The following DIP2C variants were observed in gnomAD, a reference collection of about 807,000 sequenced individuals.
DIP2C encodes disco-interacting protein 2 homolog C.
A neutral mutation model predicts 192.4 loss-of-function variants in DIP2C; 33 were observed. The observed-to-expected ratio is 0.17, with a 90% confidence interval of 0.13 to 0.23. The LOEUF (loss-of-function observed/expected upper bound fraction) is 0.23, where lower values mean the gene tolerates loss of function less well. Among genes scored for constraint, DIP2C ranks in the 10% least tolerant of loss-of-function variants. DIP2C has a pLI of 1.00. For synonymous variants in DIP2C, 979 were observed against 864.1 expected (o/e 1.13, Z -2.33); for missense variants, 1,537 against 2,110.1 (o/e 0.73, Z 5.32).
chr10:514,400 G>A (rs1262393207), intron 1 of DIP2C, among the ~76,000 whole-genome samples: 3 of 152,208 alleles, frequency 2.0e-5, no homozygotes, highest in African/African-American at 7.2e-5. Flanking sequence ...CATTCACAGG[G>A]TGCTGGCTTC....
intron 9 of DIP2C, among the ~76,000 whole-genome samples, chr10:406,700 G>C (rs1021778611): frequency 1.3e-5 from 2 of 152,100 alleles, no homozygotes; most frequent in African/African-American, 4.8e-5. Context: ...TGCCTTTGTA[G>C]GACTAACAAA....
chr10:441,992 CTG>C (rs1337266023), intron 3 of DIP2C, among the ~76,000 whole-genome samples: 2 of 152,196 alleles, frequency 1.3e-5, no homozygotes, highest in African/African-American at 4.8e-5. Context: ...CAACTCCAAA[CTG>C]TGAAGCCAGG....
At chr10:605,007 C>T (rs1182117514) in intron 1 of DIP2C, among the ~76,000 whole-genome samples, 1 of 152,208 alleles carries the variant, frequency 6.6e-6, no homozygotes, top group Non-Finnish European at 1.5e-5. Flanking sequence ...AGTGCAGACA[C>T]ATCAAAAGCT....
intron 1 of DIP2C, among the ~76,000 whole-genome samples, chr10:615,064 G>A (rs755622454): frequency 1.3e-5 from 2 of 152,222 alleles, no homozygotes; most frequent in Non-Finnish European, 2.9e-5. Context: ...ATGTGAAACA[G>A]GCAGCGCTGT....
intron 14 of DIP2C, among the ~76,000 whole-genome samples, chr10:386,075 C>T (rs762440821): frequency 5.3e-5 from 8 of 152,154 alleles, no homozygotes; most frequent in Non-Finnish European, 1.0e-4. Context: ...CTCAGAGAGG[C>T]GGCCCCGCGA....
chr10:440,201 C>A (rs1257409612), intron 4 of DIP2C, among the ~76,000 whole-genome samples: 1 of 152,118 alleles, frequency 6.6e-6, no homozygotes, highest in Non-Finnish European at 1.5e-5. Flanking sequence ...TTACATAACA[C>A]AAATATAAAT....
chr10:361,778 C>T (rs1207417332), intron 22 of DIP2C, among the ~76,000 whole-genome samples: 1 of 152,172 alleles, frequency 6.6e-6, no homozygotes, highest in Non-Finnish European at 1.5e-5. Context: ...CAGACAGAGG[C>T]AGCGTTTTCC....
intron 1 of DIP2C, among the ~76,000 whole-genome samples, chr10:649,079 G>C (rs1306505278): frequency 1.4e-5 from 2 of 147,236 alleles, no homozygotes; most frequent in Admixed American, 6.8e-5. Context: ...GAGAACATAG[G>C]GAAACTGAGT....
At chr10:670,085 CAT>C (rs372524692) in intron 1 of DIP2C, among the ~76,000 whole-genome samples, 88 of 152,272 alleles carry the variant, frequency 5.8e-4, no homozygotes, top group African/African-American at 2.1e-3. Context: ...TGCACACACA[CAT>C]GCATACACAC....
chr10:329,704 T>C (rs1371786382), intron 29 of DIP2C, 103 bp from the exon 30 acceptor site: 1 of 1,413,094 alleles, frequency 7.1e-7, no homozygotes, highest in African/African-American at 1.5e-5. Context: ...AAAGGAGGAC[T>C]TGGAACAGCC....
intron 1 of DIP2C, among the ~76,000 whole-genome samples, chr10:606,042 G>T (rs1299327488): frequency 1.3e-5 from 2 of 152,246 alleles, no homozygotes; most frequent in Non-Finnish European, 1.5e-5. Context: ...GTCCGACTGT[G>T]CAAGTCTTCC....
chr10:444,499 T>C (rs1227698496), intron 3 of DIP2C, among the ~76,000 whole-genome samples: 2 of 152,074 alleles, frequency 1.3e-5, no homozygotes, highest in African/African-American at 4.8e-5. Context: ...CAGCCACTGT[T>C]CATTCATGAG....
At position 616,128 on chromosome 10, in the gene DIP2C, A is replaced by C. The variant is rs2131807634; in HGVS notation, c.85+73366T>G. 2.6e-5 allele frequency among the ~76,000 whole-genome samples: 4 copies of C among 152,284 alleles called. No individual in the cohort carries two copies. The South Asian group carries it at 8.3e-4, about 32-fold the overall frequency. ...CCCAGGTCATCCCTCAGTCACACAC[A>C]CTTGAGAAACAAAAGCAATTCTGTT... On this transcript the variant is annotated intron_variant, in intron 1 of 36. Transcript: ENST00000280886.
chr10:501,788 G>A (rs147831609), intron 1 of DIP2C, among the ~76,000 whole-genome samples: 14 of 152,228 alleles, frequency 9.2e-5, no homozygotes, highest in African/African-American at 3.4e-4. Context: ...CACAGGCCAG[G>A]CACTGTGCCA....
chr10:415,938 T>C (rs750424874), intron 6 of DIP2C, 50 bp from the exon 7 acceptor site: 3 of 1,610,962 alleles, frequency 1.9e-6, no homozygotes, highest in South Asian at 1.1e-5. Flanking sequence ...ACAGCTTCAA[T>C]GAGCACCCAC....
chr10:607,978 C>T (rs942320157), intron 1 of DIP2C, among the ~76,000 whole-genome samples: 11 of 151,796 alleles, frequency 7.2e-5, no homozygotes, highest in East Asian at 1.9e-4. Flanking sequence ...CTACAGACAC[C>T]GTAATGAAAC....
At chr10:294,088 C>G (rs1398550128) in intron 32 of DIP2C, among the ~76,000 whole-genome samples, 3 of 152,210 alleles carry the variant, frequency 2.0e-5, no homozygotes, top group Non-Finnish European at 4.4e-5. Flanking sequence ...CCAAACTCTT[C>G]TGTCCATCCT....
At chr10:419,226 T>C (rs1205391361) in intron 5 of DIP2C, 27 bp from the exon 6 acceptor site, 1 of 1,613,816 alleles carries the variant, frequency 6.2e-7, no homozygotes, top group African/African-American at 1.3e-5. Context: ...CATGAGATTT[T>C]CTGGTGGTTG....
intron 1 of DIP2C, among the ~76,000 whole-genome samples, chr10:601,809 G>T (rs1388761348): frequency 6.6e-6 from 1 of 152,222 alleles, no homozygotes; most frequent in African/African-American, 2.4e-5. Flanking sequence ...GCAGGCGATG[G>T]GGTGGCTGAT....
Sources: gnomAD v4.1 joint callset for allele counts (sites outside exome capture counted in the v4.1 genomes callset) on GRCh38, gnomAD v4.1.1 for gene constraint, MANE v1.5 for transcripts, NCBI Gene and HGNC (gene_info 2026-07-23, HGNC 2026-07-21) for gene names.